Variants in BRCA1 observed in about 807,000 individuals in gnomAD.
BRCA1 encodes the protein breast cancer type 1 susceptibility protein.
A neutral mutation model predicts 173.7 loss-of-function variants in BRCA1; 140 were observed. The ratio of observed to expected loss-of-function variants is 0.81; its 90% CI spans 0.70 to 0.93. BRCA1 has a LOEUF of 0.93. BRCA1 is among the 40% of genes least tolerant of loss of function. BRCA1 has a pLI of 0.00. For missense variants in BRCA1, 1,983 were observed against 2,172.5 expected (o/e 0.91, Z 1.73); for synonymous variants, 662 against 756.0 (o/e 0.88, Z 2.04).
chr17:43,110,325 A>C, intron 3 of BRCA1: 1 of 180,580 alleles, frequency 5.5e-6, no homozygotes, highest in Non-Finnish European at 1.2e-5. Context: ...GATGACTCAC[A>C]CCTGTAATCC....
intron 15 of BRCA1, among the ~76,000 whole-genome samples, 166 bp from the exon 16 acceptor site, chr17:43,067,861 G>C (rs1225969755): frequency 1.5e-5 from 1 of 65,466 alleles, no homozygotes; most frequent in Non-Finnish European, 2.8e-5. Context: ...TTTTTAGACA[G>C]AGTCTTGCTC....
chr17:43,143,104 ATTTAT>A (rs1390524498), intron 1 of BRCA1, among the ~76,000 whole-genome samples: 2 of 149,596 alleles, frequency 1.3e-5, no homozygotes, highest in Non-Finnish European at 3.0e-5. Flanking sequence ...TTATTTATTT[ATTTAT>A]TTTATTTTTT....
chr17:43,064,979 C>T (rs567491387), intron 16 of BRCA1, among the ~76,000 whole-genome samples: 5 of 151,804 alleles, frequency 3.3e-5, no homozygotes, highest in East Asian at 1.9e-4. Context: ...TACAGATGCC[C>T]GCCACCATGC....
At chr17:43,135,338 C>G (rs537196432) in intron 1 of BRCA1, among the ~76,000 whole-genome samples, 1 of 152,392 alleles carries the variant, frequency 6.6e-6, no homozygotes, top group African/African-American at 2.4e-5. Context: ...CCTGCAAGAA[C>G]TTTCTTCCAA....
chr17:43,095,855 C>A lies in BRCA1; in HGVS notation c.661G>T (p.Ala221Ser), dbSNP rs80357088. Residue 221 changes from alanine to serine, a missense_variant, in exon 9 of 23, where the codon GCA becomes TCA. Physicochemically the swap from Ala to Ser is moderately conservative, Grantham distance 99. Transcript: ENST00000357654. Reference protein sequence around the residue: ...GTRDEISLDSAKKAACEFSET... With the variant: ...GTRDEISLDSSKKAACEFSET... ...CAAACTTTGCCATTACCCTTTTTTG[C>A]AGAATCCAAACTGATTTCATCCCTG... 111 of 1,613,026 alleles carry A rather than the reference C, an allele frequency of 6.9e-5. 1 individual carries two copies. The highest frequency in any genetic ancestry group is 9.1e-5 in the Non-Finnish European group (107 of 1,179,418).
At chr17:43,122,084 T>C (rs2055604316) in intron 2 of BRCA1, among the ~76,000 whole-genome samples, 1 of 152,222 alleles carries the variant, frequency 6.6e-6, no homozygotes, top group African/African-American at 2.4e-5. Flanking sequence ...TGTTTAGCTA[T>C]AATGTTGAAG....
At chr17:43,165,591 G>A (rs1002082617) in intron 1 of BRCA1, among the ~76,000 whole-genome samples, 7 of 149,204 alleles carry the variant, frequency 4.7e-5, no homozygotes, top group African/African-American at 1.5e-4. Context: ...CGTGACTTTC[G>A]CAGACAATTC....
chr17:43,084,055 G>T (rs921736677), intron 11 of BRCA1, among the ~76,000 whole-genome samples: 65 of 149,050 alleles, frequency 4.4e-4, no homozygotes, highest in African/African-American at 1.6e-3. Context: ...TTTTGAGACG[G>T]AGTCTCACTT....
intron 15 of BRCA1, 78 bp from the exon 16 acceptor site, chr17:43,067,773 CAT>C (rs1389947075): frequency 9.0e-7 from 1 of 1,112,716 alleles, no homozygotes. Context: ...TCCACCATGG[CAT>C]ATGTTTACCT....
At chr17:43,124,183 T>C in intron 1 of BRCA1, 68 bp from the exon 2 acceptor site, 1 of 942,564 alleles carries the variant, frequency 1.1e-6, no homozygotes. Context: ...AACTTCATTT[T>C]ATCATTTTAA....
At chr17:43,119,586 T>G (rs1365994609) in intron 2 of BRCA1, among the ~76,000 whole-genome samples, 1 of 152,152 alleles carries the variant, frequency 6.6e-6, no homozygotes, top group Non-Finnish European at 1.5e-5. Flanking sequence ...TGAGATGACT[T>G]GGGAAAAATG....
chr17:43,069,161 C>T lies in BRCA1; in HGVS notation c.4987-1466G>A, dbSNP rs8176226. Among the ~76,000 whole-genome samples, 1,541 of 152,308 alleles carry T rather than the reference C, an allele frequency of 0.01. 35 individuals are homozygous for T. Among genetic ancestry groups the T allele is most frequent in the African/African-American group, 0.036 (1,478 of 41,564 alleles). On this transcript the variant is annotated intron_variant, in intron 15 of 22. Coordinates refer to ENST00000357654, the MANE Select transcript of BRCA1 (RefSeq NM_007294.4). ...GCAGGCTAGAGAAGCTAATGACATC[C>T]TCCCCCTTTTGCTACCACCCTCCGC... is the stretch of plus-strand genomic sequence containing the variant.
At chr17:43,085,343 G>A (rs1443240901) in intron 11 of BRCA1, among the ~76,000 whole-genome samples, 1 of 151,244 alleles carries the variant, frequency 6.6e-6, no homozygotes, top group Non-Finnish European at 1.5e-5. Flanking sequence ...CTGGGCAACA[G>A]AGCAAAACTC....
chr17:43,074,469 A>G lies in BRCA1; in HGVS notation c.4537T>C (p.Cys1513Arg). ...SLDDRWYMHS[C>R]SGSLQNRNYP... ...TTTCTATTCTGAAGACTCCCAGAGC[A>G]ACTGTGCATGTACCACCTATCATCT... The change falls in exon 14 of 23, where the codon TGC (cysteine) becomes CGC (arginine). Residue 1513 changes from cysteine to arginine, a missense_variant. Transcript: ENST00000357654. 1 of 1,614,174 alleles carries G rather than the reference A, an allele frequency of 6.2e-7. No homozygotes were observed. The highest frequency in any genetic ancestry group is 8.5e-7 in the Non-Finnish European group (1 of 1,180,004).
chr17:43,147,500 G>A (rs2154581551), intron 1 of BRCA1, among the ~76,000 whole-genome samples: 1 of 152,148 alleles, frequency 6.6e-6, no homozygotes, highest in South Asian at 2.1e-4. Flanking sequence ...TAGTGACAGG[G>A]TTTCACCATG....
intron 2 of BRCA1, among the ~76,000 whole-genome samples, chr17:43,121,676 T>C (rs1425469981): frequency 1.1e-5 from 1 of 95,202 alleles, no homozygotes; most frequent in African/African-American, 4.1e-5. Flanking sequence ...AGAGCCAAAG[T>C]CTGTCTCAAA....
At chr17:43,095,720 C>G in intron 9 of BRCA1, 126 bp downstream of exon 9, 1 of 805,998 alleles carries the variant, frequency 1.2e-6, no homozygotes, top group Non-Finnish European at 2.1e-6. Context: ...GAATGATACT[C>G]TAACTCTGCC....
At chr17:43,061,394 T>C (rs2051744448) in intron 18 of BRCA1, among the ~76,000 whole-genome samples, 1 of 152,154 alleles carries the variant, frequency 6.6e-6, no homozygotes, top group African/African-American at 2.4e-5. Context: ...TCATCTTTAT[T>C]GTGTATCTCC....
chr17:43,093,689 C>A lies in BRCA1; in HGVS notation c.1842G>T (p.Lys614Asn), dbSNP rs760109939. 2 of 1,614,118 alleles carry A rather than the reference C, an allele frequency of 1.2e-6. No homozygotes were observed. The highest frequency in any genetic ancestry group is 2.2e-5 in the East Asian group (1 of 44,872). The part of the protein sequence containing the change: ...KAPKKNRLRR[K>N]SSTRHIHALE... ...GCGCATGAATATGCCTGGTAGAAGA[C>A]TTCCTCCTCAGCCTATTCTTTTTAG... The change falls in exon 10 of 23, where the codon AAG (lysine) becomes AAT (asparagine). Residue 614 changes from lysine to asparagine, a missense_variant. Lys to Asn is a moderately conservative substitution (Grantham distance 94). Transcript: ENST00000357654.
Sources: gnomAD v4.1 joint callset for allele counts (sites outside exome capture counted in the v4.1 genomes callset) on GRCh38, gnomAD v4.1.1 for gene constraint, MANE v1.5 for transcripts, NCBI Gene and HGNC (gene_info 2026-07-23, HGNC 2026-07-21) for gene names.